AHCY: variants seen among roughly 807,000 people sequenced by gnomAD.
The protein encoded by AHCY is adenosylhomocysteinase.
A neutral mutation model predicts 45.4 loss-of-function variants in AHCY; 24 were observed. That is an observed-to-expected ratio of 0.53 (90% CI 0.38 to 0.74). The LOEUF is 0.74. Among genes scored for constraint, AHCY ranks in the 30% least tolerant of loss-of-function variants. The pLI, the probability that AHCY is intolerant of heterozygous loss-of-function variation, is 0.00. For missense variants in AHCY, 449 were observed against 594.1 expected (o/e 0.76, Z 2.54); for synonymous variants, 245 against 235.1 (o/e 1.04, Z -0.39).
chr20:34,242,770 C>G, the AHCY span, among the ~76,000 whole-genome samples: 1 of 152,248 alleles, frequency 6.6e-6, no homozygotes, highest in Non-Finnish European at 1.5e-5. Flanking sequence ...ATCAAAGCCT[C>G]TTCCCTCCTT....
the AHCY span, among the ~76,000 whole-genome samples, chr20:34,266,181 G>A: frequency 3.3e-5 from 5 of 151,280 alleles, no homozygotes; most frequent in African/African-American, 4.9e-5. Context: ...GAGAAACCCC[G>A]TCTCTACTAA....
At chr20:34,289,422 C>G (rs2036295351) in intron 8 of AHCY, among the ~76,000 whole-genome samples, 2 of 150,754 alleles carry the variant, frequency 1.3e-5, no homozygotes, top group African/African-American at 2.5e-5. Context: ...ATCTGCCCAC[C>G]TAGGCCTCCC....
rs199646406 is a variant in AHCY, at chr20:34,295,345, T to C, written c.219+50A>G. ...TGGCACAGTCGTCTTCTTCCCTGGC[T>C]GAACCCAGGGAGGGCAAGGACTCTG... On this transcript the variant is annotated intron_variant, in intron 2 of 9. Coordinates refer to ENST00000217426, the MANE Select transcript of AHCY (RefSeq NM_000687.4). 75 of 1,609,206 alleles carry C rather than the reference T, an allele frequency of 4.7e-5. No homozygotes were observed. In the Middle Eastern group the frequency reaches 1.6e-3, roughly 35 times the overall value.
the AHCY span, among the ~76,000 whole-genome samples, chr20:34,251,293 CAG>C: frequency 6.7e-5 from 10 of 149,980 alleles, no homozygotes; most frequent in African/African-American, 2.2e-4. Context: ...TTTTTTGAGA[CAG>C]AGTCTCGCTC....
chr20:34,233,442 C>T, the AHCY span, among the ~76,000 whole-genome samples: 5 of 152,200 alleles, frequency 3.3e-5, no homozygotes, highest in South Asian at 6.2e-4. Context: ...CCACCGCGCC[C>T]GGCCCACATG....
chr20:34,270,553 G>A, the AHCY span, among the ~76,000 whole-genome samples: 2 of 152,184 alleles, frequency 1.3e-5, no homozygotes, highest in Non-Finnish European at 2.9e-5. Flanking sequence ...GGTGAGGCCA[G>A]GATGCAAAGC....
At position 34,290,027 on chromosome 20, in the gene AHCY, C is replaced by T. The variant is rs115748761; in HGVS notation, c.972+305G>A. Reference sequence around the variant, plus strand: ...GCCATCATCCCCTGCAGGGATTCTACGAGCCTCCTCTAAAAGCCTCTCTCC... The same window carrying T: ...GCCATCATCCCCTGCAGGGATTCTATGAGCCTCCTCTAAAAGCCTCTCTCC... On this transcript the variant is annotated intron_variant, in intron 8 of 9. Coordinates refer to ENST00000217426, the MANE Select transcript of AHCY (RefSeq NM_000687.4). The surrounding 1 kb of genome is among the most constrained non-coding windows in gnomAD (Gnocchi z 4.5). 2.8e-3 allele frequency among the ~76,000 whole-genome samples: 420 copies of T among 152,308 alleles called. 2 individuals are homozygous for T. Among genetic ancestry groups the T allele is most frequent in the African/African-American group, 9.4e-3 (390 of 41,570 alleles).
chr20:34,292,864 C>A (rs1183113180), intron 3 of AHCY, among the ~76,000 whole-genome samples: 3 of 152,162 alleles, frequency 2.0e-5, no homozygotes, highest in Non-Finnish European at 2.9e-5. Context: ...CCTTTCCCAT[C>A]CCCTTCTGCC....
intron 1 of AHCY, among the ~76,000 whole-genome samples, chr20:34,298,101 T>C (rs995306064): frequency 6.6e-6 from 1 of 152,056 alleles, no homozygotes; most frequent in Non-Finnish European, 1.5e-5. Context: ...ATCATGCCAC[T>C]GCACTCCAGC....
At chr20:34,275,982 C>T (rs529125527), downstream of AHCY, among the ~76,000 whole-genome samples, 2 of 152,244 alleles carry the variant, frequency 1.3e-5, no homozygotes, top group East Asian at 3.9e-4. Flanking sequence ...TGAGCTGCTG[C>T]ACCCGGTCTG....
chr20:34,283,648 A>G (rs1187230839), intron 9 of AHCY, among the ~76,000 whole-genome samples: 4 of 152,212 alleles, frequency 2.6e-5, no homozygotes, highest in Non-Finnish European at 5.9e-5. Flanking sequence ...ACTCATAGCC[A>G]TATTTCTCCC....
the AHCY span, among the ~76,000 whole-genome samples, chr20:34,233,111 T>C: frequency 6.6e-6 from 1 of 150,494 alleles, no homozygotes; most frequent in Non-Finnish European, 1.5e-5. Flanking sequence ...ACATTTTTCA[T>C]CTGGAAGAGT....
At chr20:34,295,175 C>G (rs1601669890) in intron 2 of AHCY, 1 of 663,310 alleles carries the variant, frequency 1.5e-6, no homozygotes, top group East Asian at 2.8e-5. Context: ...TTGAGGGTAG[C>G]CAACAGTGAC....
the AHCY span, among the ~76,000 whole-genome samples, chr20:34,273,762 G>C: frequency 6.6e-6 from 1 of 152,236 alleles, no homozygotes; most frequent in Non-Finnish European, 1.5e-5. Flanking sequence ...CTTCTTCCAT[G>C]TACCAGGAGT....
the AHCY span, among the ~76,000 whole-genome samples, chr20:34,239,164 C>T: frequency 1.3e-5 from 2 of 152,144 alleles, no homozygotes; most frequent in Admixed American, 1.3e-4. Context: ...CACTCCCATC[C>T]CCCATCTCAC....
At chr20:34,288,283 G>A (rs1480566379) in intron 8 of AHCY, among the ~76,000 whole-genome samples, 1 of 152,210 alleles carries the variant, frequency 6.6e-6, no homozygotes. Context: ...CTGGGTGGGT[G>A]TCAGGGCTTT....
the AHCY span, among the ~76,000 whole-genome samples, chr20:34,243,753 G>A: frequency 2.3e-5 from 3 of 132,488 alleles, no homozygotes; most frequent in African/African-American, 1.0e-4. Context: ...TTCTAATATT[G>A]TATTTAAAAA....
At chr20:34,292,184 G>A (rs924266465) in intron 4 of AHCY, among the ~76,000 whole-genome samples, 174 bp downstream of exon 4, 7 of 152,196 alleles carry the variant, frequency 4.6e-5, no homozygotes, top group African/African-American at 9.7e-5. Context: ...CCCTAGCCTC[G>A]CACCCTCAGA....
the AHCY span, among the ~76,000 whole-genome samples, chr20:34,235,895 AAGGAAAGGAAGGAAGG>A: frequency 1.2e-5 from 1 of 80,682 alleles, no homozygotes; most frequent in Non-Finnish European, 2.1e-5. Context: ...GGAAGGAAGG[AAGGAAAGGAAGGAAGG>A]AAGGAAGGAA....
Sources: gnomAD v4.1 joint callset for allele counts (sites outside exome capture counted in the v4.1 genomes callset) on GRCh38, gnomAD v4.1.1 for gene constraint, Gnocchi (gnomAD v3.1) non-coding constraint, MANE v1.5 for transcripts, NCBI Gene and HGNC (gene_info 2026-07-23, HGNC 2026-07-21) for gene names.